The following TGFBR2 variants were observed in gnomAD, a reference collection of about 807,000 sequenced individuals.
The protein encoded by TGFBR2 is TGF-beta receptor type-2.
A neutral mutation model predicts 49.0 loss-of-function variants in TGFBR2; 18 were observed. That is an observed-to-expected ratio of 0.37 (90% CI 0.25 to 0.54). TGFBR2 has a LOEUF of 0.54. Among genes scored for constraint, TGFBR2 ranks in the 20% least tolerant of loss-of-function variants. The pLI is 0.85. For synonymous variants in TGFBR2, 282 were observed against 275.9 expected (o/e 1.02, Z -0.22); for missense variants, 525 against 722.6 (o/e 0.73, Z 3.13).
intron 1 of TGFBR2, among the ~76,000 whole-genome samples, chr3:30,608,376 G>A (rs1484060984): frequency 6.6e-6 from 1 of 152,114 alleles, no homozygotes; most frequent in East Asian, 1.9e-4. Context: ...TTGAATCTGG[G>A]TAATTTTACA....
At chr3:30,685,674 C>T (rs1198788868) in intron 5 of TGFBR2, among the ~76,000 whole-genome samples, 4 of 152,094 alleles carry the variant, frequency 2.6e-5, no homozygotes, top group South Asian at 2.1e-4. Context: ...ATCGGCTATA[C>T]GCTGCCTCTG....
chr3:30,688,463 G>A lies in TGFBR2; in HGVS notation c.1476G>A (p.Leu492=), dbSNP rs1006428695. 1.9e-6 allele frequency: 3 copies of A among 1,614,114 alleles called. No individual in the cohort carries two copies. The Admixed American group carries it at 5.0e-5, about 27-fold the overall frequency. Residue 492 remains leucine, a synonymous_variant, in exon 6 of 7, where the codon TTG becomes TTA. Coordinates refer to ENST00000295754, the MANE Select transcript of TGFBR2 (RefSeq NM_003242.6). ...PCVESMKDNV[L]RDRGRPEIPS... ...TCGAAAGCATGAAGGACAACGTGTT[G>A]AGAGATCGAGGGCGACCAGAAATTC...
At chr3:30,655,692 G>A (rs1317636737) in intron 3 of TGFBR2, among the ~76,000 whole-genome samples, 1 of 152,166 alleles carries the variant, frequency 6.6e-6, no homozygotes, top group Non-Finnish European at 1.5e-5. Flanking sequence ...CTCTTTGAAT[G>A]ACTGCGCCAT....
chr3:30,684,243 C>T (rs1699584721), intron 5 of TGFBR2, among the ~76,000 whole-genome samples: 1 of 151,952 alleles, frequency 6.6e-6, no homozygotes, highest in Non-Finnish European at 1.5e-5. Flanking sequence ...AAACCATCTT[C>T]CTACACATTG....
chr3:30,685,255 G>A (rs1403691130), intron 5 of TGFBR2, among the ~76,000 whole-genome samples: 1 of 152,228 alleles, frequency 6.6e-6, no homozygotes, highest in African/African-American at 2.4e-5. Flanking sequence ...GTAATACAAT[G>A]TGAGATTCAG....
At chr3:30,639,782 C>A (rs1050761682) in intron 1 of TGFBR2, among the ~76,000 whole-genome samples, 3 of 152,070 alleles carry the variant, frequency 2.0e-5, no homozygotes, top group African/African-American at 4.8e-5. Context: ...AAACAACAGT[C>A]GGTAGATACA....
chr3:30,671,471 G>C (rs1356687866), intron 3 of TGFBR2, among the ~76,000 whole-genome samples, 167 bp from the exon 4 acceptor site: 1 of 152,208 alleles, frequency 6.6e-6, no homozygotes, highest in African/African-American at 2.4e-5. Context: ...GGCAGGGAAG[G>C]CTGAACGAGC....
At chr3:30,671,156 A>G (rs1699329398) in intron 3 of TGFBR2, among the ~76,000 whole-genome samples, 1 of 152,172 alleles carries the variant, frequency 6.6e-6, no homozygotes, top group Admixed American at 6.5e-5. Flanking sequence ...TTATTTGGCA[A>G]TATTGAGGAC....
intron 6 of TGFBR2, 23 bp downstream of exon 6, chr3:30,688,534 G>C (rs2125452384): frequency 6.2e-7 from 1 of 1,613,970 alleles, no homozygotes; most frequent in Non-Finnish European, 8.5e-7. Context: ...TGTTTACAAA[G>C]GTCAGTAAGA....
At chr3:30,666,068 T>A (rs1037039265) in intron 3 of TGFBR2, among the ~76,000 whole-genome samples, 1 of 152,206 alleles carries the variant, frequency 6.6e-6, no homozygotes, top group East Asian at 1.9e-4. Flanking sequence ...CTAGGAAATA[T>A]TAATTTTTAA....
intron 1 of TGFBR2, among the ~76,000 whole-genome samples, chr3:30,615,588 A>G (rs577263182): frequency 6.6e-6 from 1 of 152,334 alleles, no homozygotes; most frequent in African/African-American, 2.4e-5. Flanking sequence ...GCAAAATGTT[A>G]TTGGAAGAGA....
intron 1 of TGFBR2, among the ~76,000 whole-genome samples, chr3:30,626,160 G>A (rs1018727998): frequency 5.9e-5 from 9 of 152,152 alleles, no homozygotes; most frequent in African/African-American, 2.2e-4. Context: ...ACCCAGTGAG[G>A]TTACAAATGA....
At chr3:30,609,288 T>G (rs927727575) in intron 1 of TGFBR2, among the ~76,000 whole-genome samples, 5 of 152,242 alleles carry the variant, frequency 3.3e-5, no homozygotes, top group Non-Finnish European at 5.9e-5. Flanking sequence ...ATTTTAATTT[T>G]TCATGTAAGT....
chr3:30,689,174 T>C (rs931412876), intron 6 of TGFBR2, among the ~76,000 whole-genome samples: 5 of 152,188 alleles, frequency 3.3e-5, no homozygotes, highest in Non-Finnish European at 5.9e-5. Context: ...TAGCTAAGGC[T>C]GTCCATAGCA....
chr3:30,609,153 G>T (rs1697988206), intron 1 of TGFBR2, among the ~76,000 whole-genome samples: 1 of 152,150 alleles, frequency 6.6e-6, no homozygotes, highest in Non-Finnish European at 1.5e-5. Context: ...TAGAACTGAA[G>T]TTTCAAAATG....
chr3:30,678,317 G>A (rs1208533283), intron 5 of TGFBR2, among the ~76,000 whole-genome samples: 3 of 152,158 alleles, frequency 2.0e-5, no homozygotes, highest in Non-Finnish European at 4.4e-5. Context: ...GGAAGCCGAG[G>A]CGGGTGGATC....
At chr3:30,638,104 G>T (rs1365696028) in intron 1 of TGFBR2, among the ~76,000 whole-genome samples, 1 of 152,156 alleles carries the variant, frequency 6.6e-6, no homozygotes, top group African/African-American at 2.4e-5. Flanking sequence ...CGCTTTTAGA[G>T]CTTATTCTCT....
chr3:30,637,041 G>T (rs1182429637), intron 1 of TGFBR2, among the ~76,000 whole-genome samples: 1 of 150,130 alleles, frequency 6.7e-6, no homozygotes, highest in Non-Finnish European at 1.5e-5. Context: ...TCCAGCCTGG[G>T]TGACAGAGCA....
intron 2 of TGFBR2, among the ~76,000 whole-genome samples, chr3:30,649,489 T>C (rs1297028010): frequency 6.6e-6 from 1 of 152,360 alleles, no homozygotes; most frequent in African/African-American, 2.4e-5. Context: ...TAAATTAGTC[T>C]TCAAATATGT....
Sources: gnomAD v4.1 joint callset for allele counts (sites outside exome capture counted in the v4.1 genomes callset) on GRCh38, gnomAD v4.1.1 for gene constraint, MANE v1.5 for transcripts, NCBI Gene and HGNC (gene_info 2026-07-23, HGNC 2026-07-21) for gene names.